The following GRK3 variants were observed in gnomAD, a reference collection of about 807,000 sequenced individuals.
GRK3 encodes the protein adrenergic, beta, receptor kinase 2.
GRK3 carries 54 observed loss-of-function variants against 95.7 expected under a neutral mutation model. That is an observed-to-expected ratio of 0.56 (90% CI 0.45 to 0.71). The LOEUF is 0.71. Ranked by LOEUF, GRK3 falls within the 30% of genes least tolerant of loss-of-function variation. The pLI, the probability that GRK3 is intolerant of heterozygous loss-of-function variation, is 0.00. For synonymous variants in GRK3, 281 were observed against 290.8 expected (o/e 0.97, Z 0.34); for missense variants, 649 against 851.2 (o/e 0.76, Z 2.96).
In GRK3 at chr22:25,720,517, C is replaced by T. The variant is rs1017947611; in HGVS notation, c.1792-767C>T. ...TTTGAGACAGAGTCTTGCTCTGTCG[C>T]CCAGGCTGGAGTGCAGTGGCGCGAT... On this transcript the variant is annotated intron_variant, in intron 19 of 20. Coordinates refer to ENST00000324198, the MANE Select transcript of GRK3 (RefSeq NM_005160.4). 3.6e-5 allele frequency among the ~76,000 whole-genome samples: 5 copies of T among 138,980 alleles called. No individual in the cohort carries two copies. In the East Asian group the frequency reaches 1.1e-3, roughly 29 times the overall value. The allele number at this position is 138,980 out of a possible 152,430, so 91.2% of individuals were successfully genotyped here.
intron 3 of GRK3, chr22:25,647,552 T>C: frequency 6.4e-7 from 1 of 1,560,518 alleles, no homozygotes; most frequent in Non-Finnish European, 8.8e-7. Context: ...ACTATATTTG[T>C]GGCCTTATAT....
intron 13 of GRK3, among the ~76,000 whole-genome samples, chr22:25,695,927 G>A (rs923378299): frequency 1.3e-5 from 2 of 150,272 alleles, no homozygotes; most frequent in African/African-American, 4.9e-5. Context: ...TCCGCCTCCC[G>A]GGTTCACGCC....
intron 1 of GRK3, among the ~76,000 whole-genome samples, chr22:25,603,026 C>T (rs182960209): frequency 8.8e-4 from 134 of 152,280 alleles, no homozygotes; most frequent in African/African-American, 2.7e-3. Flanking sequence ...AAGTGATTCT[C>T]CTGCCTCAGC....
intron 2 of GRK3, among the ~76,000 whole-genome samples, chr22:25,610,743 A>G (rs1330611158): frequency 1.3e-5 from 2 of 152,232 alleles, no homozygotes; most frequent in Non-Finnish European, 2.9e-5. Context: ...AGTCTCTTGC[A>G]TCTGGCTTCT....
In GRK3 at chr22:25,674,464, A is replaced by G; in HGVS notation, c.583A>G (p.Arg195Gly). 1 of 1,614,026 alleles carries G rather than the reference A, an allele frequency of 6.2e-7. No homozygotes were observed. Among genetic ancestry groups the G allele is most frequent in the Non-Finnish European group, 8.5e-7 (1 of 1,179,918 alleles). The change falls in exon 8 of 21, where the codon AGG becomes GGG. Residue 195 changes from arginine to glycine, a missense_variant. By Grantham distance (125) the Arg-to-Gly change is moderately radical (BLOSUM62 -2). Transcript: ENST00000324198. Reference sequence around the variant, plus strand: ...GACCATGAATGAGTTCAGTGTGCATAGGATTATTGGACGAGGAGGATTCGG... The same window carrying G: ...GACCATGAATGAGTTCAGTGTGCATGGGATTATTGGACGAGGAGGATTCGG... ...HLTMNEFSVH[R>G]IIGRGGFGEV...
rs185822964 is a variant in GRK3 at position 25,700,414 on chromosome 22, C to T, written c.1161-3096C>T. ...AGCTTGTCACCGTTGATTGTCTCCCCGTGGAGTTGTCAGACATGAGGGAGA... is the reference window on the plus strand; with the variant it reads ...AGCTTGTCACCGTTGATTGTCTCCCTGTGGAGTTGTCAGACATGAGGGAGA... On this transcript the variant is annotated intron_variant, in intron 13 of 20. Transcript: ENST00000324198. Among the ~76,000 whole-genome samples the T allele has an allele frequency of 2.4e-3, 358 of 152,276 alleles. 1 individual carries two copies. The highest frequency in any genetic ancestry group is 5.3e-3 in the Admixed American group (81 of 15,296).
intron 1 of GRK3, among the ~76,000 whole-genome samples, chr22:25,577,646 T>C (rs1026872752): frequency 6.6e-6 from 1 of 152,224 alleles, no homozygotes; most frequent in Non-Finnish European, 1.5e-5. Context: ...CACTTATGGC[T>C]TTTGCCTTCT....
At chr22:25,617,891 C>T (rs1188963874) in intron 2 of GRK3, among the ~76,000 whole-genome samples, 1 of 152,144 alleles carries the variant, frequency 6.6e-6, no homozygotes, top group Non-Finnish European at 1.5e-5. Context: ...ATTCTCGTAC[C>T]TCAGCCTCCT....
chr22:25,566,926 ATAT>A (rs1337176767), intron 1 of GRK3, among the ~76,000 whole-genome samples: 1 of 151,702 alleles, frequency 6.6e-6, no homozygotes, highest in Non-Finnish European at 1.5e-5. Flanking sequence ...CTAGTATATA[ATAT>A]TAATAAAGTT....
chr22:25,702,961 C>G (rs970548973), intron 13 of GRK3: 15 of 451,008 alleles, frequency 3.3e-5, no homozygotes, highest in Non-Finnish European at 5.3e-5. Context: ...ACAGGAAGCG[C>G]TCAGAGCTGT....
intron 1 of GRK3, among the ~76,000 whole-genome samples, chr22:25,575,041 C>T (rs1335385787): frequency 6.6e-6 from 1 of 152,152 alleles, no homozygotes; most frequent in East Asian, 1.9e-4. Flanking sequence ...TGTTTCTCTT[C>T]ATCCCTCCAA....
chr22:25,704,033 A>T lies in GRK3; in HGVS notation c.1228-76A>T. On this transcript the variant is annotated intron_variant, in intron 14 of 20. Transcript: ENST00000324198. The stretch of plus-strand genomic sequence containing the variant: ...TTAATACTATGCTTATCCCAGTAAT[A>T]GTCTTTAAGTCTGGTTGAGTGTTAG... 10 of 1,022,308 alleles carry T rather than the reference A, an allele frequency of 9.8e-6. No individual in the cohort carries two copies. In the South Asian group the frequency reaches 1.4e-4, roughly 14 times the overall value. The allele number at this position is 1,022,308 out of a possible 1,614,324, so 63.3% of individuals were successfully genotyped here.
intron 2 of GRK3, among the ~76,000 whole-genome samples, chr22:25,605,547 A>T (rs558932363): frequency 5.1e-4 from 77 of 152,236 alleles, no homozygotes; most frequent in Middle Eastern, 3.4e-3. Context: ...CTAGTTAAAA[A>T]TTTTTTTAAT....
At chr22:25,700,643 A>G (rs796130596) in intron 13 of GRK3, among the ~76,000 whole-genome samples, 7 of 152,272 alleles carry the variant, frequency 4.6e-5, no homozygotes, top group African/African-American at 1.4e-4. Context: ...GCTGGAGTGC[A>G]GTAGTGTGAT....
In GRK3 at chr22:25,611,564, G is replaced by A. The variant is rs554479905; in HGVS notation, c.190+7111G>A. ...TGTGGTCTTGATTTGTGATTCTCCAGTAGTTAATGATATTAAACATGTTTG... is the reference window on the plus strand; with the variant it reads ...TGTGGTCTTGATTTGTGATTCTCCAATAGTTAATGATATTAAACATGTTTG... On this transcript the variant is annotated intron_variant, in intron 2 of 20. Coordinates refer to ENST00000324198, the MANE Select transcript of GRK3 (RefSeq NM_005160.4). Among the ~76,000 whole-genome samples, 20 of 152,248 alleles carry A rather than the reference G, an allele frequency of 1.3e-4. 1 individual carries two copies. The highest frequency in any genetic ancestry group is 3.6e-4 in the African/African-American group (15 of 41,538).
At chr22:25,579,085 C>G (rs1002453151) in intron 1 of GRK3, among the ~76,000 whole-genome samples, 9 of 152,082 alleles carry the variant, frequency 5.9e-5, no homozygotes, top group African/African-American at 2.2e-4. Flanking sequence ...ATTTATCCTG[C>G]CTTTCCTGTA....
At chr22:25,583,066 A>T (rs1401409768) in intron 1 of GRK3, among the ~76,000 whole-genome samples, 1 of 152,206 alleles carries the variant, frequency 6.6e-6, no homozygotes, top group African/African-American at 2.4e-5. Context: ...TAGATAGCGC[A>T]TACTTACTAA....
intron 3 of GRK3, among the ~76,000 whole-genome samples, chr22:25,655,690 C>T (rs1373461206): frequency 6.6e-6 from 1 of 152,114 alleles, no homozygotes; most frequent in Non-Finnish European, 1.5e-5. Context: ...GGATATGGGG[C>T]AAGTCATTCA....
intron 2 of GRK3, among the ~76,000 whole-genome samples, chr22:25,628,290 G>A (rs768107158): frequency 6.6e-6 from 1 of 152,172 alleles, no homozygotes; most frequent in African/African-American, 2.4e-5. Context: ...GGCTAGTGTG[G>A]CCATGTCTAT....
Sources: gnomAD v4.1 joint callset for allele counts (sites outside exome capture counted in the v4.1 genomes callset) on GRCh38, gnomAD v4.1.1 for gene constraint, MANE v1.5 for transcripts, NCBI Gene and HGNC (gene_info 2026-07-23, HGNC 2026-07-21) for gene names.